The following SLC5A10 variants were observed in gnomAD, a reference collection of about 807,000 sequenced individuals.
The protein encoded by SLC5A10 is solute carrier family 5 member 10, also known as sodium/mannose cotransporter SLC5A10.
In SLC5A10, 55 loss-of-function variants were observed where a neutral mutation model predicts 68.9. The ratio of observed to expected loss-of-function variants is 0.80; its 90% confidence interval spans 0.64 to 1.00. The LOEUF is 1.00. Among genes scored for constraint, SLC5A10 ranks in the 50% least tolerant of loss-of-function variants. The pLI is 0.00. For missense variants in SLC5A10, 732 were observed against 819.3 expected, an observed-to-expected ratio of 0.89 and a Z score of 1.30; for synonymous variants, 344 against 344.8, an observed-to-expected ratio of 1.00 and a Z score of 0.02.
At position 18,957,540 on chromosome 17, in the gene SLC5A10, C is replaced by T. The variant is rs561809044; in HGVS notation, c.112-1142C>T. Reference sequence around the variant, plus strand: ...CTGGAGTGCAGTGGCACGATCTCGGCTCACTGCAACCTCCACCTCCCGGGT... The same window carrying T: ...CTGGAGTGCAGTGGCACGATCTCGGTTCACTGCAACCTCCACCTCCCGGGT... On this transcript the variant is annotated intron_variant, in intron 1 of 14. Transcript: ENST00000395645. 5.9e-5 allele frequency among the ~76,000 whole-genome samples: 9 copies of T among 152,314 alleles called. No homozygotes were observed. In the South Asian group the frequency reaches 1.9e-3, roughly 32 times the overall value.
At chr17:18,967,692 T>C (rs1049923398) in intron 5 of SLC5A10, among the ~76,000 whole-genome samples, 3 of 152,188 alleles carry the variant, frequency 2.0e-5, no homozygotes, top group African/African-American at 7.2e-5. Context: ...CCTCTCGGCC[T>C]TCCCTCTCCT....
intron 5 of SLC5A10, among the ~76,000 whole-genome samples, chr17:18,963,857 G>A (rs971568551): frequency 7.2e-5 from 11 of 152,222 alleles, no homozygotes; most frequent in African/African-American, 2.4e-4. Flanking sequence ...AACTGGGCAC[G>A]ATGCCCCATG....
chr17:19,004,183 C>A lies in SLC5A10; in HGVS notation c.983-9227C>A. The A allele has an allele frequency of 1.6e-6, 1 of 640,340 alleles. No homozygotes were observed. The highest frequency in any genetic ancestry group is 4.5e-5 in the East Asian group (1 of 22,118). The allele number at this position is 640,340 out of a possible 1,614,324, so 39.7% of individuals were successfully genotyped here. ...CCCATGAGCAATCTGCGGGAAAGACCTGATGAGCCCGGCTCGGCGGGGAGG... is the reference window on the plus strand; with the variant it reads ...CCCATGAGCAATCTGCGGGAAAGACATGATGAGCCCGGCTCGGCGGGGAGG... On this transcript the variant is annotated intron_variant, in intron 9 of 14. Coordinates refer to ENST00000395645, the MANE Select transcript of SLC5A10 (RefSeq NM_001042450.4). The surrounding 1 kb of genome is among the most constrained non-coding windows in gnomAD (Gnocchi z 5.4).
At chr17:18,977,539 C>A (rs1203570473) in intron 9 of SLC5A10, 4 of 1,561,878 alleles carry the variant, frequency 2.6e-6, no homozygotes, top group South Asian at 1.2e-5. Context: ...GGGTGGCTGG[C>A]AGGGAGGGAC....
rs763368287 is a variant in SLC5A10, at chr17:19,021,954, G to C, written c.*1523G>C. On this transcript the variant is annotated 3_prime_UTR_variant, in exon 15 of 15. Coordinates refer to ENST00000395645, the MANE Select transcript of SLC5A10 (RefSeq NM_001042450.4). The surrounding 1 kb of genome is among the most constrained non-coding windows in gnomAD (Gnocchi z 4.1). ...GCCCGTTGGCCAGATCGGCCGCCGGGCTGCTCACAGGTGCACGGGCTGCAC... is the reference window on the plus strand; with the variant it reads ...GCCCGTTGGCCAGATCGGCCGCCGGCCTGCTCACAGGTGCACGGGCTGCAC... The C allele has an allele frequency of 1.9e-5, 29 of 1,519,636 alleles. No homozygotes were observed. The highest frequency in any genetic ancestry group is 2.8e-5 in the African/African-American group (2 of 71,330). 94.1% of individuals were successfully genotyped at this position (1,519,636 alleles called of 1,614,324 possible).
rs535140009 is a variant in SLC5A10, at chr17:19,022,063, T to A, written c.*1632T>A. ...TCTGGGCGCTCCAGGACCTCAATGA[T>A]GTCGCCACGGCGGAAGCTGAGCTGC... On this transcript the variant is annotated 3_prime_UTR_variant, in exon 15 of 15. Transcript: ENST00000395645. The A allele has an allele frequency of 6.3e-7, 1 of 1,594,718 alleles. No homozygotes were observed.
rs1487747698 is a variant in SLC5A10 at position 19,003,223 on chromosome 17, C to A, written c.983-10187C>A. 6.6e-6 allele frequency among the ~76,000 whole-genome samples: 1 copy of A among 151,216 alleles called. No homozygotes were observed. Among genetic ancestry groups the A allele is most frequent in the Non-Finnish European group, 1.5e-5 (1 of 67,746 alleles). ...TGGGGTTCCTCCCCTCCCCACTCCA[C>A]CCTATCTCGGTGCCTTCTTCTGGGG... On this transcript the variant is annotated intron_variant, in intron 9 of 14. Coordinates refer to ENST00000395645, the MANE Select transcript of SLC5A10 (RefSeq NM_001042450.4). This position sits in a 1 kb window ranked among gnomAD's most constrained non-coding sequence, Gnocchi z 4.5.
In SLC5A10 at chr17:19,000,987, G is replaced by A. The variant is rs1158167941; in HGVS notation, c.983-12423G>A. 2.0e-5 allele frequency among the ~76,000 whole-genome samples: 3 copies of A among 152,146 alleles called. No homozygotes were observed. The highest frequency in any genetic ancestry group is 4.8e-5 in the African/African-American group (2 of 41,414). ...CCCTGCCTGTCACTCTGTCCTGCCAGGGCCAGGGCACAAGGGATAGCCTAG... is the reference window on the plus strand; with the variant it reads ...CCCTGCCTGTCACTCTGTCCTGCCAAGGCCAGGGCACAAGGGATAGCCTAG... On this transcript the variant is annotated intron_variant, in intron 9 of 14. Transcript: ENST00000395645. This position sits in a 1 kb window ranked among gnomAD's most constrained non-coding sequence, Gnocchi z 5.2.
At chr17:18,985,334 T>G (rs1037365631) in intron 9 of SLC5A10, among the ~76,000 whole-genome samples, 1 of 152,186 alleles carries the variant, frequency 6.6e-6, no homozygotes, top group Admixed American at 6.5e-5. Flanking sequence ...AAGGTTACCA[T>G]GCAGGTGGCA....
At chr17:18,997,591 C>G (rs1446840151) in intron 9 of SLC5A10, among the ~76,000 whole-genome samples, 2 of 152,244 alleles carry the variant, frequency 1.3e-5, no homozygotes, top group Non-Finnish European at 2.9e-5. Flanking sequence ...ATCAAGCATC[C>G]TAATGCCCCA....
At position 19,003,386 on chromosome 17, in the gene SLC5A10, G is replaced by A. The variant is rs2043782664; in HGVS notation, c.983-10024G>A. The A allele has an allele frequency of 5.1e-6, 5 of 982,846 alleles. No individual in the cohort carries two copies. The highest frequency in any genetic ancestry group is 6.9e-6 in the Non-Finnish European group (5 of 729,234). The allele number at this position is 982,846 out of a possible 1,614,324, so 60.9% of individuals were successfully genotyped here. On this transcript the variant is annotated intron_variant, in intron 9 of 14. Coordinates refer to ENST00000395645, the MANE Select transcript of SLC5A10 (RefSeq NM_001042450.4). The surrounding 1 kb of genome is among the most constrained non-coding windows in gnomAD (Gnocchi z 4.5). ...GTGGGGAGGAAACCTCCACCCAAGA[G>A]GCAGCCAGGGAAAACAGCAGAGATC... is the stretch of plus-strand genomic sequence containing the variant.
chr17:18,966,249 G>A (rs2042706481), intron 5 of SLC5A10, among the ~76,000 whole-genome samples: 1 of 152,118 alleles, frequency 6.6e-6, no homozygotes, highest in Non-Finnish European at 1.5e-5. Flanking sequence ...ACAGCAGCCT[G>A]GATCAGGCTG....
rs967607437 is a variant in SLC5A10 at position 18,968,487 on chromosome 17, G to T, written c.454-565G>T. ...AGCCACAGGTTCTGGGAGGGCAGGG[G>T]CTGTGTCCAGTCAGTGTGGAGACCA... is the stretch of plus-strand genomic sequence containing the variant. On this transcript the variant is annotated intron_variant, in intron 5 of 14. Transcript: ENST00000395645. This position sits in a 1 kb window ranked among gnomAD's most constrained non-coding sequence, Gnocchi z 4.1. Among the ~76,000 whole-genome samples, 2 of 152,196 alleles carry T rather than the reference G, an allele frequency of 1.3e-5. No homozygotes were observed. Among genetic ancestry groups the T allele is most frequent in the African/African-American group, 4.8e-5 (2 of 41,438 alleles).
At position 19,013,092 on chromosome 17, in the gene SLC5A10, G is replaced by C. The variant is rs189454137; in HGVS notation, c.983-318G>C. The stretch of plus-strand genomic sequence containing the variant: ...TTGGGGAGAATGGCTGGGGACGAGG[G>C]GGGCAAGGGAGGCTCAGGCCCCAGG... On this transcript the variant is annotated intron_variant, in intron 9 of 14. Transcript: ENST00000395645. Among the ~76,000 whole-genome samples, 996 of 152,352 alleles carry C rather than the reference G, an allele frequency of 6.5e-3. 9 individuals carry two copies. Among genetic ancestry groups the C allele is most frequent in the South Asian group, 0.023 (110 of 4,826 alleles).
intron 9 of SLC5A10, 152 bp from the exon 10 acceptor site, chr17:19,013,258 G>A: frequency 7.9e-7 from 1 of 1,266,246 alleles, no homozygotes; most frequent in Admixed American, 2.7e-5. Flanking sequence ...CTGTGGCTCA[G>A]ATTGTGAAAC....
chr17:18,985,782 C>T (rs562374576), intron 9 of SLC5A10, among the ~76,000 whole-genome samples: 22 of 152,140 alleles, frequency 1.4e-4, no homozygotes, highest in Admixed American at 9.2e-4. Flanking sequence ...GGAAGCGAGG[C>T]GGCTGAGCAG....
intron 5 of SLC5A10, among the ~76,000 whole-genome samples, chr17:18,962,667 G>GT (rs2042634425): frequency 6.6e-6 from 1 of 152,158 alleles, no homozygotes; most frequent in Admixed American, 6.5e-5. Context: ...CCGGGGTGGT[G>GT]TTTAAGTGGG....
chr17:19,004,997 C>T lies in SLC5A10; in HGVS notation c.983-8413C>T, dbSNP rs1247935203. ...ATCCCAGAGAGGGACAGTGTTCTCCCTGAGGTCACACAGCGGGTCAACAGC... is the reference window on the plus strand; with the variant it reads ...ATCCCAGAGAGGGACAGTGTTCTCCTTGAGGTCACACAGCGGGTCAACAGC... On this transcript the variant is annotated intron_variant, in intron 9 of 14. Transcript: ENST00000395645. This position sits in a 1 kb window ranked among gnomAD's most constrained non-coding sequence, Gnocchi z 5.4. Among the ~76,000 whole-genome samples the T allele has an allele frequency of 6.6e-6, 1 of 152,224 alleles. No homozygotes were observed. The highest frequency in any genetic ancestry group is 1.5e-5 in the Non-Finnish European group (1 of 68,028).
chr17:18,965,635 A>T (rs1047293258), intron 5 of SLC5A10, among the ~76,000 whole-genome samples: 1 of 152,180 alleles, frequency 6.6e-6, no homozygotes, highest in African/African-American at 2.4e-5. Context: ...AGAGCCCGCC[A>T]GATCAGTCCC....
Sources: allele counts gnomAD v4.1 joint callset (sites outside exome capture counted in the v4.1 genomes callset), GRCh38; gene constraint gnomAD v4.1.1; non-coding constraint Gnocchi (gnomAD v3.1); transcripts MANE v1.5; gene names NCBI Gene and HGNC (gene_info 2026-07-23, HGNC 2026-07-21).